CDK19: variants seen among roughly 807,000 people sequenced by gnomAD.
CDK19 encodes the protein cyclin dependent kinase 19, also known as cyclin-dependent kinase 19.
A neutral mutation model predicts 68.3 loss-of-function variants in CDK19; 20 were observed. The ratio of observed to expected loss-of-function variants is 0.29; its 90% CI spans 0.21 to 0.43. The LOEUF is 0.43. Among genes scored for constraint, CDK19 ranks in the 20% least tolerant of loss-of-function variants. CDK19 has a pLI of 1.00. For synonymous variants in CDK19, 221 were observed against 222.8 expected, an observed-to-expected ratio of 0.99 and a Z score of 0.07; for missense variants, 339 against 623.5, an observed-to-expected ratio of 0.54 and a Z score of 4.86.
chr6:110,646,236 G>A, intron 4 of CDK19: 1 of 1,482,232 alleles, frequency 6.7e-7, no homozygotes, highest in South Asian at 1.3e-5. Context: ...GGAGCTGCTG[G>A]CTCTGTGGCC....
chr6:110,647,060 T>C (rs950659272), intron 4 of CDK19, among the ~76,000 whole-genome samples: 3 of 151,768 alleles, frequency 2.0e-5, no homozygotes, highest in Non-Finnish European at 4.4e-5. Context: ...CCCGACACTA[T>C]TTCTGCGCTG....
chr6:110,719,008 A>G (rs972457075), intron 2 of CDK19, among the ~76,000 whole-genome samples: 6 of 152,222 alleles, frequency 3.9e-5, no homozygotes, highest in African/African-American at 7.2e-5. Context: ...GAGGACTCGA[A>G]TATTTAAGTC....
intron 2 of CDK19, among the ~76,000 whole-genome samples, chr6:110,745,528 C>G (rs539207448): frequency 7.9e-5 from 12 of 152,006 alleles, no homozygotes; most frequent in Admixed American, 7.2e-4. Context: ...CCTAAAGCTA[C>G]AGAAAAATAG....
intron 1 of CDK19, among the ~76,000 whole-genome samples, chr6:110,793,408 C>G (rs746074083): frequency 1.3e-5 from 2 of 151,976 alleles, no homozygotes; most frequent in Non-Finnish European, 2.9e-5. Context: ...CATTATAAGG[C>G]TTTGCTTAAA....
At chr6:110,689,071 G>A (rs1030837579) in intron 2 of CDK19, among the ~76,000 whole-genome samples, 3 of 152,078 alleles carry the variant, frequency 2.0e-5, no homozygotes, top group Non-Finnish European at 2.9e-5. Flanking sequence ...AGCAGAATAC[G>A]GTGGGTGTCA....
chr6:110,733,883 C>T lies in CDK19; in HGVS notation c.204+12243G>A, dbSNP rs559588570. ...CCAACTTTAAGCATTATTGATTTTC[C>T]GGTATAATGGATGAAACTGTAGCTC... On this transcript the variant is annotated intron_variant, in intron 2 of 12. Coordinates refer to ENST00000368911, the MANE Select transcript of CDK19 (RefSeq NM_015076.5). 6.0e-4 allele frequency among the ~76,000 whole-genome samples: 92 copies of T among 152,134 alleles called. 1 individual carries two copies. Among genetic ancestry groups the T allele is most frequent in the Non-Finnish European group, 8.1e-4 (55 of 67,992 alleles).
At chr6:110,775,002 C>T (rs146226283) in intron 1 of CDK19, among the ~76,000 whole-genome samples, 4 of 152,100 alleles carry the variant, frequency 2.6e-5, no homozygotes, top group Admixed American at 1.3e-4. Flanking sequence ...AATCCCAGCA[C>T]TTTGGGAGGC....
chr6:110,734,474 A>G (rs899753222), intron 2 of CDK19, among the ~76,000 whole-genome samples: 1 of 148,908 alleles, frequency 6.7e-6, no homozygotes, highest in Admixed American at 7.0e-5. Context: ...GAATTAAAAC[A>G]GTCAACTCCT....
At chr6:110,757,550 G>A (rs2114934008) in intron 1 of CDK19, among the ~76,000 whole-genome samples, 1 of 152,262 alleles carries the variant, frequency 6.6e-6, no homozygotes, top group South Asian at 2.1e-4. Flanking sequence ...ATATTATTAT[G>A]ATATGGTTAA....
intron 4 of CDK19, among the ~76,000 whole-genome samples, chr6:110,641,113 G>A (rs1378583539): frequency 6.6e-6 from 1 of 151,414 alleles, no homozygotes; most frequent in Non-Finnish European, 1.5e-5. Flanking sequence ...GAAAGAAAAA[G>A]AAAAAGATTG....
intron 1 of CDK19, among the ~76,000 whole-genome samples, chr6:110,778,554 CA>C (rs1166098151): frequency 6.6e-6 from 1 of 152,138 alleles, no homozygotes; most frequent in Non-Finnish European, 1.5e-5. Flanking sequence ...TTAACCAAAC[CA>C]GTCTTGTGTA....
intron 2 of CDK19, among the ~76,000 whole-genome samples, chr6:110,724,809 A>C (rs1393684667): frequency 2.6e-5 from 4 of 152,166 alleles, no homozygotes; most frequent in African/African-American, 9.7e-5. Flanking sequence ...TGCCGGAATT[A>C]AGTATGTCTA....
intron 4 of CDK19, chr6:110,645,862 AAG>A (rs1172828072): frequency 8.9e-6 from 6 of 672,418 alleles, no homozygotes; most frequent in Non-Finnish European, 1.6e-5. Context: ...TTCGATTTCG[AAG>A]AGACTATCGT....
chr6:110,624,733 C>G (rs1023409702), intron 8 of CDK19, among the ~76,000 whole-genome samples: 1 of 152,102 alleles, frequency 6.6e-6, no homozygotes, highest in Admixed American at 6.5e-5. Context: ...CCTACTGGTA[C>G]GGGTATTACT....
At chr6:110,734,519 T>TTCTCTCTCTCTCTC in intron 2 of CDK19, among the ~76,000 whole-genome samples, 1 of 19,296 alleles carries the variant, frequency 5.2e-5, no homozygotes, top group Admixed American at 7.8e-4. Context: ...GGGTGAGCAC[T>TTCTCTCTCTCTCTC]GCTCTCTCTC....
chr6:110,687,979 C>G (rs1447532253), intron 2 of CDK19, among the ~76,000 whole-genome samples: 2 of 152,074 alleles, frequency 1.3e-5, no homozygotes, highest in Non-Finnish European at 2.9e-5. Flanking sequence ...AGGGAGGGGT[C>G]AAATCTCACA....
At chr6:110,700,643 G>C (rs1289728485) in intron 2 of CDK19, 1 of 153,092 alleles carries the variant, frequency 6.5e-6, no homozygotes, top group East Asian at 1.9e-4. Context: ...CCTGGAGAAG[G>C]TGTGTGCTGA....
chr6:110,772,421 G>A (rs919781996), intron 1 of CDK19, among the ~76,000 whole-genome samples: 4 of 151,754 alleles, frequency 2.6e-5, no homozygotes, highest in African/African-American at 4.8e-5. Context: ...CCCACAACAC[G>A]TGGGAATTAT....
chr6:110,733,617 C>A (rs1776931540), intron 2 of CDK19, among the ~76,000 whole-genome samples: 1 of 152,094 alleles, frequency 6.6e-6, no homozygotes, highest in African/African-American at 2.4e-5. Flanking sequence ...CAGTCTTCTT[C>A]ATTTTAGCCA....
Sources: gnomAD v4.1 joint callset for allele counts (sites outside exome capture counted in the v4.1 genomes callset) on GRCh38, gnomAD v4.1.1 for gene constraint, MANE v1.5 for transcripts, NCBI Gene and HGNC (gene_info 2026-07-23, HGNC 2026-07-21) for gene names.